The following MEI1 variants were observed in gnomAD, a reference collection of about 807,000 sequenced individuals.
MEI1 encodes the protein meiotic double-stranded break formation protein 1, also known as meiosis inhibitor protein 1.
In MEI1, 103 loss-of-function variants were observed where a neutral mutation model predicts 146.2. The observed-to-expected ratio is 0.70, with a 90% confidence interval of 0.60 to 0.83. The LOEUF (loss-of-function observed/expected upper bound fraction) is 0.83. MEI1 is among the 40% of genes least tolerant of loss of function. The pLI, the probability that MEI1 is intolerant of heterozygous loss-of-function variation, is 0.00. For missense variants in MEI1, 1,529 were observed against 1,533.0 expected (o/e 1.00, Z 0.04); for synonymous variants, 652 against 628.2 (o/e 1.04, Z -0.57).
chr22:41,743,308 C>G (rs1476915218), intron 12 of MEI1, 114 bp downstream of exon 12: 10 of 659,224 alleles, frequency 1.5e-5, no homozygotes, highest in Non-Finnish European at 1.9e-5. Flanking sequence ...TTCTCATGCA[C>G]ACATGGCTAC....
chr22:41,757,713 G>A (rs962481670), intron 17 of MEI1, among the ~76,000 whole-genome samples: 10 of 151,900 alleles, frequency 6.6e-5, no homozygotes, highest in African/African-American at 2.4e-4. Flanking sequence ...TCAATATAGC[G>A]CTGATCACAT....
chr22:41,702,866 C>T (rs539310045), intron 1 of MEI1, among the ~76,000 whole-genome samples: 44 of 152,076 alleles, frequency 2.9e-4, no homozygotes, highest in African/African-American at 1.0e-3. Context: ...TTTACAGGCA[C>T]CTGCCACCAT....
chr22:41,795,502 C>T lies in MEI1; in HGVS notation c.3626C>T (p.Ser1209Leu), dbSNP rs748954338. 6.8e-6 allele frequency: 11 copies of T among 1,613,366 alleles called. No individual in the cohort carries two copies. Among genetic ancestry groups the T allele is most frequent in the South Asian group, 2.2e-5 (2 of 91,042 alleles). Reference protein sequence around the residue: ...GVALADLSTLSNTTLQALHGF... With the variant: ...GVALADLSTLLNTTLQALHGF... Reference sequence around the variant, plus strand: ...GCTTTGGCTGACCTGTCTACCCTCTCGAACACCACACTCCAGGCCCTGCAT... The same window carrying T: ...GCTTTGGCTGACCTGTCTACCCTCTTGAACACCACACTCCAGGCCCTGCAT... Residue 1209 changes from serine to leucine, a missense_variant, in exon 29 of 31, where the codon TCG becomes TTG. Physicochemically the swap from Ser to Leu is moderately radical, Grantham distance 145 (BLOSUM62 -2). Around this residue, in one of 3 missense-constraint regions of MEI1, gnomAD observed 313 missense variants for 337.3 expected, o/e 0.93. Coordinates refer to ENST00000401548, the MANE Select transcript of MEI1 (RefSeq NM_152513.4). The surrounding 1 kb of genome is among the most constrained non-coding windows in gnomAD (Gnocchi z 4.2).
At chr22:41,728,492 A>G (rs1219204249) in intron 7 of MEI1, among the ~76,000 whole-genome samples, 2 of 152,232 alleles carry the variant, frequency 1.3e-5, no homozygotes, top group Non-Finnish European at 2.9e-5. Flanking sequence ...TAATCCCAGC[A>G]TTTAGGGAGG....
rs200368821 is a variant in MEI1, at chr22:41,728,869, AC to A, written c.865-795del. ...AAGTGAGACCCTGTGTCAAAAAAAA[AC>A]AAAATAGTAATAAGGCAAGGCGTAG... On this transcript the variant is annotated intron_variant, in intron 7 of 30. Coordinates refer to ENST00000401548, the MANE Select transcript of MEI1 (RefSeq NM_152513.4). Among the ~76,000 whole-genome samples, 401 of 148,684 alleles carry A rather than the reference AC, an allele frequency of 2.7e-3. 1 individual carries two copies. The highest frequency in any genetic ancestry group is 2.3e-3 in the Non-Finnish European group (153 of 66,818).
chr22:41,758,288 G>A (rs2074228368), intron 17 of MEI1, 77 bp from the exon 18 acceptor site: 2 of 1,385,088 alleles, frequency 1.4e-6, no homozygotes, highest in African/African-American at 1.4e-5. Flanking sequence ...TACTCTGCAT[G>A]TAGTAGGTAC....
At chr22:41,767,573 C>T (rs989140524) in intron 19 of MEI1, 1 of 455,832 alleles carries the variant, frequency 2.2e-6, no homozygotes. Flanking sequence ...TCTTCCTTTT[C>T]AGCAACTTCA....
Position 41,767,499 on chromosome 22 carries a change from G to C in MEI1, c.2269-3187G>C, listed in dbSNP as rs1854032672. The C allele has an allele frequency of 4.5e-6, 2 of 448,330 alleles. 1 individual carries two copies. The highest frequency in any genetic ancestry group is 9.1e-6 in the Non-Finnish European group (2 of 220,528). 27.8% of individuals were successfully genotyped at this position (448,330 alleles called of 1,614,324 possible). A position where few individuals can be genotyped will look rare whatever the true frequency, so the allele number is the denominator to read the frequency against. ...TGTGTCTGAGGATCCCCAATAGCCA[G>C]AGTGTGGGTGTCTCTGTGGGGATGG... On this transcript the variant is annotated intron_variant, in intron 19 of 30. Transcript: ENST00000401548.
chr22:41,773,821 G>A (rs1326730882), intron 20 of MEI1, among the ~76,000 whole-genome samples: 1 of 152,162 alleles, frequency 6.6e-6, no homozygotes, highest in Non-Finnish European at 1.5e-5. Context: ...GTTGCAGTGA[G>A]CCAAGATCGA....
intron 20 of MEI1, among the ~76,000 whole-genome samples, chr22:41,772,126 C>G (rs1478342570): frequency 6.6e-6 from 1 of 152,186 alleles, no homozygotes; most frequent in Non-Finnish European, 1.5e-5. Context: ...AGGCTACAAA[C>G]CTGTACAGCA....
At chr22:41,775,662 C>T (rs911347868) in intron 20 of MEI1, among the ~76,000 whole-genome samples, 5 of 148,722 alleles carry the variant, frequency 3.4e-5, no homozygotes, top group Middle Eastern at 3.4e-3. Context: ...AGTGCGATCT[C>T]GGCTCACTGC....
chr22:41,780,790 G>T (rs1023543661), intron 22 of MEI1, among the ~76,000 whole-genome samples: 1 of 152,006 alleles, frequency 6.6e-6, no homozygotes, highest in Non-Finnish European at 1.5e-5. Flanking sequence ...TCACCACATT[G>T]CCCAGGTTGG....
intron 3 of MEI1, 142 bp downstream of exon 3, chr22:41,705,696 A>G: frequency 3.3e-6 from 2 of 602,290 alleles, no homozygotes; most frequent in Admixed American, 3.0e-5. Context: ...CTAATTCAAC[A>G]TTTGTTTTTT....
chr22:41,744,990 A>G lies in MEI1; in HGVS notation c.1464A>G (p.Arg488=). 1 of 1,558,948 alleles carries G rather than the reference A, an allele frequency of 6.4e-7. No individual in the cohort carries two copies. Among genetic ancestry groups the G allele is most frequent in the Non-Finnish European group, 8.7e-7 (1 of 1,150,786 alleles). The part of the protein sequence containing the change: ...SRRPLGHASS[R]DSEKAILQRG... ...CACCTCAGGGCCATGCCTCCAGTAG[A>G]GATTCAGAGAAGGCCATTCTTCAAA... Residue 488 remains arginine, a synonymous_variant, in exon 13 of 31, where the codon AGA becomes AGG. Coordinates refer to ENST00000401548, the MANE Select transcript of MEI1 (RefSeq NM_152513.4).
chr22:41,716,815 G>T (rs1017963356), intron 5 of MEI1, among the ~76,000 whole-genome samples: 1 of 151,102 alleles, frequency 6.6e-6, no homozygotes. Context: ...TCAGCCTCCC[G>T]AGTAGCTTGG....
At chr22:41,733,597 A>G (rs1393601556) in intron 11 of MEI1, among the ~76,000 whole-genome samples, 1 of 151,746 alleles carries the variant, frequency 6.6e-6, no homozygotes, top group Non-Finnish European at 1.5e-5. Flanking sequence ...CTCTACAAAA[A>G]CTTAACTGGG....
At chr22:41,798,033 G>A (rs570875074) in intron 30 of MEI1, among the ~76,000 whole-genome samples, 3 of 151,736 alleles carry the variant, frequency 2.0e-5, no homozygotes, top group Admixed American at 6.6e-5. Flanking sequence ...CTACATCACC[G>A]AACTCAGAAA....
intron 27 of MEI1, 85 bp from the exon 28 acceptor site, chr22:41,794,285 CT>C: frequency 8.4e-7 from 1 of 1,192,866 alleles, no homozygotes; most frequent in Non-Finnish European, 1.2e-6. Context: ...TGGGTAGCCC[CT>C]TTTTAAGCCA....
At chr22:41,728,300 C>G (rs1411884576) in intron 7 of MEI1, among the ~76,000 whole-genome samples, 1 of 152,226 alleles carries the variant, frequency 6.6e-6, no homozygotes, top group African/African-American at 2.4e-5. Flanking sequence ...CCAAACCCAG[C>G]CAAGAGCCAG....
Sources: gnomAD v4.1 joint callset for allele counts (sites outside exome capture counted in the v4.1 genomes callset) on GRCh38, gnomAD v4.1.1 for gene constraint, gnomAD v4.1.1 regional missense constraint, Gnocchi (gnomAD v3.1) non-coding constraint, MANE v1.5 for transcripts, NCBI Gene and HGNC (gene_info 2026-07-23, HGNC 2026-07-21) for gene names.